The following RETREG1 variants were observed in gnomAD, a reference collection of about 807,000 sequenced individuals.
RETREG1 encodes the protein family with sequence similarity 134 member B.
In RETREG1, 44 loss-of-function variants were observed where a neutral mutation model predicts 54.8. The observed-to-expected ratio is 0.80, with a 90% CI of 0.63 to 1.03. The LOEUF is 1.03. Ranked by LOEUF, RETREG1 falls within the 50% of genes least tolerant of loss-of-function variation. The pLI, the probability that RETREG1 is intolerant of heterozygous loss-of-function variation, is 0.00. For missense variants in RETREG1, 554 were observed against 605.1 expected, an observed-to-expected ratio of 0.92 and a Z score of 0.89; for synonymous variants, 217 against 238.5, an observed-to-expected ratio of 0.91 and a Z score of 0.83.
At chr5:16,616,566 G>A in intron 1 of RETREG1, 86 bp downstream of exon 1, 19 of 1,519,882 alleles carry the variant, frequency 1.3e-5, no homozygotes, top group East Asian at 2.5e-5. Context: ...TGTCCCGCGG[G>A]CTCCCCCTGC....
At chr5:16,598,807 A>C (rs1398294163) in intron 1 of RETREG1, among the ~76,000 whole-genome samples, 1 of 152,150 alleles carries the variant, frequency 6.6e-6, no homozygotes, top group Non-Finnish European at 1.5e-5. Context: ...TCAATGTCAG[A>C]TCAAGGTAGG....
At position 16,616,956 on chromosome 5, in the gene RETREG1, G is replaced by C. The variant is rs779538816; in HGVS notation, c.16C>G (p.Pro6Ala). ...CATCCCTCCTCGGCGTGCTCCGGAG[G>C]CGCCGGGCTCGCCATCTTCAGCTGT... MASPA[P>A]PEHAEEGCPA... is the part of the protein sequence containing the mutation. Residue 6 changes from proline (P) to alanine (A), a missense_variant, in exon 1 of 9, where the codon CCT becomes GCT. Physicochemically the swap from Pro to Ala is conservative, Grantham distance 27. Transcript: ENST00000306320. 1.5e-5 allele frequency: 21 copies of C among 1,436,426 alleles called. No homozygotes were observed. In the South Asian group the frequency reaches 2.5e-4, roughly 17 times the overall value. The allele number at this position is 1,436,426 out of a possible 1,614,324, so 89.0% of individuals were successfully genotyped here.
rs994873970 is a variant in RETREG1 at position 16,553,694 on chromosome 5, C to T, written c.458+12069G>A. Among the ~76,000 whole-genome samples, 10 of 151,848 alleles carry T rather than the reference C, an allele frequency of 6.6e-5. No individual in the cohort carries two copies. The South Asian group carries it at 8.3e-4, about 13-fold the overall frequency. ...TGCTTGCTTCTGGCAGGCAGCAGGA[C>T]GGGGTGGGCGGGGGAGCAACTGTAT... On this transcript the variant is annotated intron_variant, in intron 3 of 8. Coordinates refer to ENST00000306320, the MANE Select transcript of RETREG1 (RefSeq NM_001034850.3).
intron 3 of RETREG1, among the ~76,000 whole-genome samples, chr5:16,535,842 C>G (rs1374532784): frequency 7.4e-6 from 1 of 135,436 alleles, no homozygotes; most frequent in Non-Finnish European, 1.6e-5. Context: ...AGCTGGGGTT[C>G]CTGTGTGCAC....
At position 16,478,844 on chromosome 5, in the gene RETREG1, A is replaced by G. The variant is rs368052487; in HGVS notation, c.808+6T>C. On this transcript the variant is annotated splice_donor_region_variant and intron_variant, in intron 6 of 8. Coordinates refer to ENST00000306320, the MANE Select transcript of RETREG1 (RefSeq NM_001034850.3). ...GCATAGAATCTAAAATATAAACTTTACCTACCAGATCTCTCACGTTTCTTC... is the reference window on the plus strand; with the variant it reads ...GCATAGAATCTAAAATATAAACTTTGCCTACCAGATCTCTCACGTTTCTTC... 1.3e-4 allele frequency: 203 copies of G among 1,610,904 alleles called. 1 individual carries two copies. The highest frequency in any genetic ancestry group is 1.7e-4 in the Non-Finnish European group (199 of 1,177,792).
At chr5:16,582,959 T>G (rs1742530783) in intron 1 of RETREG1, among the ~76,000 whole-genome samples, 1 of 152,162 alleles carries the variant, frequency 6.6e-6, no homozygotes, top group Non-Finnish European at 1.5e-5. Flanking sequence ...TTTGTGCCTT[T>G]ATTGATTCTT....
chr5:16,589,693 C>T (rs755875039), intron 1 of RETREG1, among the ~76,000 whole-genome samples: 10 of 152,194 alleles, frequency 6.6e-5, no homozygotes, highest in Non-Finnish European at 1.2e-4. Context: ...TTCTACCTGC[C>T]AGCATGGAAG....
intron 3 of RETREG1, chr5:16,508,842 G>T: frequency 7.1e-7 from 1 of 1,417,470 alleles, no homozygotes; most frequent in Non-Finnish European, 9.2e-7. Context: ...GCTAGGAGCT[G>T]GGTTATTATC....
intron 3 of RETREG1, among the ~76,000 whole-genome samples, chr5:16,545,842 G>A (rs1044207753): frequency 1.3e-5 from 2 of 152,206 alleles, no homozygotes; most frequent in Non-Finnish European, 2.9e-5. Flanking sequence ...CAGAAAGAAG[G>A]GTAAATTAGC....
intron 3 of RETREG1, among the ~76,000 whole-genome samples, chr5:16,560,024 C>T (rs892802146): frequency 6.6e-6 from 1 of 152,136 alleles, no homozygotes; most frequent in Non-Finnish European, 1.5e-5. Context: ...CCACTGAGAA[C>T]CACATTTTCA....
chr5:16,541,739 GGGAAGGAAGGAA>G (rs59287809), intron 3 of RETREG1, among the ~76,000 whole-genome samples: 3,126 of 102,230 alleles, frequency 0.031, 112 homozygotes, highest in African/African-American at 0.074. Flanking sequence ...GAGGGAGGGA[GGGAAGGAAGGAA>G]GGAAGGAAGG....
In RETREG1 at chr5:16,474,928, A is replaced by C; in HGVS notation, c.1307T>G (p.Leu436Arg). 1 of 1,613,906 alleles carries C rather than the reference A, an allele frequency of 6.2e-7. No individual in the cohort carries two copies. Among genetic ancestry groups the C allele is most frequent in the East Asian group, 2.2e-5 (1 of 44,870 alleles). The change falls in exon 9 of 9, where the codon CTT (leucine) becomes CGT (arginine). Residue 436 changes from leucine (L) to arginine (R), a missense_variant. Leu to Arg is a moderately radical substitution (Grantham distance 102, BLOSUM62 -2). Transcript: ENST00000306320. ...KDQLEGVQQA[L>R]SQAAPIPEED... The stretch of plus-strand genomic sequence containing the variant: ...TTCTGGGATGGGGGCAGCCTGAGAA[A>C]GTGCTTGCTGCACACCCTCTAACTG...
intron 3 of RETREG1, among the ~76,000 whole-genome samples, chr5:16,539,622 G>C (rs138466987): frequency 6.6e-6 from 1 of 152,126 alleles, no homozygotes; most frequent in African/African-American, 2.4e-5. Flanking sequence ...CTGCAACTGA[G>C]CCTCCCAGTC....
rs1742544826 is a variant in RETREG1, at chr5:16,583,407, C to T, written c.321-11305G>A. 2.6e-5 allele frequency among the ~76,000 whole-genome samples: 4 copies of T among 151,952 alleles called. No homozygotes were observed. In the South Asian group the frequency reaches 6.2e-4, roughly 24 times the overall value. ...ACTAAGGAGGCAGAGGTGGGAGAAT[C>T]GCCTGAACCCTGGAGCTGGACGTTG... On this transcript the variant is annotated intron_variant, in intron 1 of 8. Coordinates refer to ENST00000306320, the MANE Select transcript of RETREG1 (RefSeq NM_001034850.3).
Position 16,604,180 on chromosome 5 carries a change from G to A in RETREG1, c.320+12472C>T, listed in dbSNP as rs180783759. On this transcript the variant is annotated intron_variant, in intron 1 of 8. Coordinates refer to ENST00000306320, the MANE Select transcript of RETREG1 (RefSeq NM_001034850.3). ...GAGGGAAGAAGTCATATTGAATTAC[G>A]CTCTGATTACACCCAGCAACCTCCC... 8.5e-5 allele frequency among the ~76,000 whole-genome samples: 13 copies of A among 152,254 alleles called. 1 individual carries two copies. Among genetic ancestry groups the A allele is most frequent in the African/African-American group, 2.9e-4 (12 of 41,550 alleles).
intron 1 of RETREG1, 140 bp downstream of exon 1, chr5:16,616,512 G>A: frequency 1.4e-6 from 2 of 1,407,468 alleles, no homozygotes; most frequent in South Asian, 2.7e-5. Context: ...TTCGAGACAG[G>A]TGGCCGAGAA....
At chr5:16,609,310 A>G (rs1415894552) in intron 1 of RETREG1, among the ~76,000 whole-genome samples, 1 of 152,212 alleles carries the variant, frequency 6.6e-6, no homozygotes, top group South Asian at 2.1e-4. Context: ...ACGATGCTAC[A>G]TGTGAACACC....
chr5:16,553,184 G>GA (rs113353282), intron 3 of RETREG1, among the ~76,000 whole-genome samples: 14,233 of 151,106 alleles, frequency 0.094, 2,120 homozygotes, highest in African/African-American at 0.32. Flanking sequence ...GCACACTATG[G>GA]AAAAAAAAAT....
intron 3 of RETREG1, among the ~76,000 whole-genome samples, chr5:16,510,184 T>C (rs1224682440): frequency 2.0e-5 from 3 of 152,214 alleles, no homozygotes; most frequent in African/African-American, 4.8e-5. Flanking sequence ...TTCTTTTGGA[T>C]AGTGTTAGTT....
Sources: allele counts gnomAD v4.1 joint callset (sites outside exome capture counted in the v4.1 genomes callset), GRCh38; gene constraint gnomAD v4.1.1; transcripts MANE v1.5; gene names NCBI Gene and HGNC (gene_info 2026-07-23, HGNC 2026-07-21).